U2SURP: variants seen among roughly 807,000 people sequenced by gnomAD.
U2SURP encodes U2 snRNP-associated SURP motif-containing protein.
Under a neutral mutation model 144.9 loss-of-function variants are expected in U2SURP, and 9 were observed. That is an observed-to-expected ratio of 0.06 (90% confidence interval 0.04 to 0.11). U2SURP has a LOEUF of 0.11. Among genes scored for constraint, U2SURP ranks in the 10% least tolerant of loss-of-function variants. The pLI is 1.00. For synonymous variants in U2SURP, 408 were observed against 396.8 expected, an observed-to-expected ratio of 1.03 and a Z score of -0.33; for missense variants, 724 against 1,226.7, an observed-to-expected ratio of 0.59 and a Z score of 6.12.
At chr3:143,029,649 A>C (rs946827213) in intron 16 of U2SURP, among the ~76,000 whole-genome samples, 5 of 152,206 alleles carry the variant, frequency 3.3e-5, no homozygotes, top group African/African-American at 1.2e-4. Flanking sequence ...TTCAGGTGAA[A>C]GGAAGAGTCT....
chr3:143,038,249 G>T, intron 22 of U2SURP, 46 bp downstream of exon 22: 1 of 1,360,268 alleles, frequency 7.4e-7, no homozygotes, highest in Non-Finnish European at 1.0e-6. Flanking sequence ...GTACTTGTAC[G>T]TTAATTATTG....
intron 20 of U2SURP, 110 bp downstream of exon 20, chr3:143,036,214 T>C (rs910235709): frequency 1.6e-6 from 2 of 1,230,036 alleles, no homozygotes; most frequent in Non-Finnish European, 1.1e-6. Flanking sequence ...GTGAAAAATA[T>C]CTATTGCTTA....
At chr3:143,055,515 T>C (rs1935107284) in intron 27 of U2SURP, among the ~76,000 whole-genome samples, 1 of 152,196 alleles carries the variant, frequency 6.6e-6, no homozygotes, top group African/African-American at 2.4e-5. Flanking sequence ...TTTTTGGAAA[T>C]ACATATCATG....
intron 1 of U2SURP, among the ~76,000 whole-genome samples, chr3:143,005,626 C>G (rs942317138): frequency 2.6e-5 from 4 of 152,132 alleles, no homozygotes; most frequent in African/African-American, 7.2e-5. Context: ...TAGAATATGC[C>G]TGTTGGTATG....
intron 24 of U2SURP, among the ~76,000 whole-genome samples, chr3:143,050,436 C>A (rs987188602): frequency 2.0e-5 from 3 of 152,150 alleles, no homozygotes; most frequent in African/African-American, 7.2e-5. Flanking sequence ...TGTGATTTAA[C>A]CTTTTCTTTG....
At chr3:143,048,160 G>T (rs778791021) in intron 24 of U2SURP, among the ~76,000 whole-genome samples, 17 of 152,182 alleles carry the variant, frequency 1.1e-4, no homozygotes, top group Non-Finnish European at 2.4e-4. Context: ...AGGCAATAAG[G>T]GCTGGATAGT....
chr3:143,056,451 C>T lies in U2SURP; in HGVS notation c.*1C>T, dbSNP rs778410944. On this transcript the variant is annotated 3_prime_UTR_variant, in exon 28 of 28. Transcript: ENST00000473835. ...AAAGTCAAAGAAAAACAAACACTGACGTAAATTTTTAAGATGCTGTCACTT... is the reference window on the plus strand; with the variant it reads ...AAAGTCAAAGAAAAACAAACACTGATGTAAATTTTTAAGATGCTGTCACTT... 4.5e-5 allele frequency: 73 copies of T among 1,611,146 alleles called. 3 individuals carry two copies. The South Asian group carries it at 6.6e-4, about 15-fold the overall frequency.
At chr3:143,052,307 T>C (rs1270764624) in intron 25 of U2SURP, among the ~76,000 whole-genome samples, 1 of 152,134 alleles carries the variant, frequency 6.6e-6, no homozygotes, top group Non-Finnish European at 1.5e-5. Flanking sequence ...GGCAGGAGAA[T>C]CACTTGAACC....
chr3:143,054,658 G>C (rs1404138835), intron 26 of U2SURP, among the ~76,000 whole-genome samples: 1 of 152,124 alleles, frequency 6.6e-6, no homozygotes, highest in African/African-American at 2.4e-5. Context: ...TTAAAAAACT[G>C]ATATTTAATC....
In U2SURP at chr3:143,058,036, A is replaced by G. The variant is rs1463532916; in HGVS notation, c.*1586A>G. ...TTTTGTTAGTCCATTTTGTTAGGAA[A>G]CATTAATTCCTAAAAATTTGTTCAG... is the stretch of plus-strand genomic sequence containing the variant. On this transcript the variant is annotated 3_prime_UTR_variant, in exon 28 of 28. Coordinates refer to ENST00000473835, the MANE Select transcript of U2SURP (RefSeq NM_001080415.2). 1.3e-5 allele frequency: 2 copies of G among 152,404 alleles called. No individual in the cohort carries two copies. Among genetic ancestry groups the G allele is most frequent in the Non-Finnish European group, 2.9e-5 (2 of 67,858 alleles). 9.4% of individuals were successfully genotyped at this position (152,404 alleles called of 1,614,324 possible). A position where few individuals can be genotyped will look rare whatever the true frequency, so the allele number is the denominator to read the frequency against.
Position 143,012,329 on chromosome 3 carries a change from T to C in U2SURP, c.198T>C (p.Asp66=). ...RNESARESLC[D]SPHQNLSRPL... ...AAAGTGCCCGTGAAAGCCTTTGTGA[T>C]TCTCCTCATCAGAATCTCTCAAGAG... is the stretch of plus-strand genomic sequence containing the variant. Residue 66 remains aspartate, a synonymous_variant, in exon 3 of 28, where the codon GAT becomes GAC. Coordinates refer to ENST00000473835, the MANE Select transcript of U2SURP (RefSeq NM_001080415.2). 6.2e-7 allele frequency: 1 copy of C among 1,612,496 alleles called. No individual in the cohort carries two copies. The highest frequency in any genetic ancestry group is 8.5e-7 in the Non-Finnish European group (1 of 1,179,058).
At chr3:143,004,912 GGAGA>G (rs201152788) in intron 1 of U2SURP, among the ~76,000 whole-genome samples, 2 of 151,600 alleles carry the variant, frequency 1.3e-5, no homozygotes, top group Admixed American at 6.6e-5. Context: ...CATTTTGAGA[GGAGA>G]GAGAGAGAGC....
rs971014726 is a variant in U2SURP at position 143,037,117 on chromosome 3, C to A, written c.2065-62C>A. On this transcript the variant is annotated intron_variant, in intron 20 of 27. Transcript: ENST00000473835. ...GGCTTGTACTGGATTACAAATTAAT[C>A]TTACAAGCAATGTGACTTCAGCAAG... 3 of 1,510,758 alleles carry A rather than the reference C, an allele frequency of 2.0e-6. No individual in the cohort carries two copies. The African/African-American group carries it at 4.1e-5, about 21-fold the overall frequency. 93.6% of individuals were successfully genotyped at this position (1,510,758 alleles called of 1,614,324 possible).
intron 25 of U2SURP, among the ~76,000 whole-genome samples, chr3:143,051,368 T>G (rs1934843584): frequency 6.6e-6 from 1 of 152,098 alleles, no homozygotes; most frequent in South Asian, 2.1e-4. Flanking sequence ...CCAACAACCC[T>G]GAGAGGTAGT....
intron 24 of U2SURP, among the ~76,000 whole-genome samples, chr3:143,049,926 T>C (rs1215466881): frequency 6.6e-6 from 1 of 152,188 alleles, no homozygotes; most frequent in Non-Finnish European, 1.5e-5. Context: ...ATATTACATG[T>C]ATTTGTTTGT....
chr3:143,028,289 A>C, intron 14 of U2SURP, 51 bp from the exon 15 acceptor site: 2 of 1,517,632 alleles, frequency 1.3e-6, no homozygotes, highest in Non-Finnish European at 1.8e-6. Context: ...TTAATTGAAG[A>C]TAGCTCTTTG....
At chr3:143,041,087 T>G (rs1013627276) in intron 23 of U2SURP, among the ~76,000 whole-genome samples, 1 of 151,850 alleles carries the variant, frequency 6.6e-6, no homozygotes, top group African/African-American at 2.4e-5. Context: ...AGAAAAAATT[T>G]TACAGGCTAG....
At chr3:143,036,907 C>G (rs1350188150) in intron 20 of U2SURP, 8 of 389,678 alleles carry the variant, frequency 2.1e-5, no homozygotes, top group Non-Finnish European at 3.2e-5. Flanking sequence ...CAGCAAAAAC[C>G]TTTACCAGGC....
chr3:143,012,296 T>C lies in U2SURP; in HGVS notation c.165T>C (p.Tyr55=). The C allele has an allele frequency of 1.9e-6, 3 of 1,613,384 alleles. No homozygotes were observed. The highest frequency in any genetic ancestry group is 2.5e-6 in the Non-Finnish European group (3 of 1,179,498). Residue 55 remains tyrosine, a synonymous_variant, in exon 3 of 28, where the codon TAT becomes TAC. Transcript: ENST00000473835. ...CTAAGAGCCCAAGAAAACATAATTATAGGAATGAAAGTGCCCGTGAAAGCC... is the reference window on the plus strand; with the variant it reads ...CTAAGAGCCCAAGAAAACATAATTACAGGAATGAAAGTGCCCGTGAAAGCC... ...TRPKSPRKHN[Y]RNESARESLC...
Sources: gnomAD v4.1 joint callset for allele counts (sites outside exome capture counted in the v4.1 genomes callset) on GRCh38, gnomAD v4.1.1 for gene constraint, MANE v1.5 for transcripts, NCBI Gene and HGNC (gene_info 2026-07-23, HGNC 2026-07-21) for gene names.